The following WDR47 variants were observed in gnomAD, a reference collection of about 807,000 sequenced individuals.
WDR47 encodes the protein WD repeat domain 47, also known as WD repeat-containing protein 47.
Under a neutral mutation model 97.2 loss-of-function variants are expected in WDR47, and 32 were observed. That is an observed-to-expected ratio of 0.33 (90% CI 0.25 to 0.44). The LOEUF is 0.44. WDR47 is among the 20% of genes least tolerant of loss of function. The pLI, the probability that WDR47 is intolerant of heterozygous loss-of-function variation, is 1.00. For synonymous variants in WDR47, 375 were observed against 373.5 expected, an observed-to-expected ratio of 1.00 and a Z score of -0.05; for missense variants, 782 against 1,102.3, an observed-to-expected ratio of 0.71 and a Z score of 4.11.
intron 1 of WDR47, among the ~76,000 whole-genome samples, chr1:109,028,241 G>C (rs1662347881): frequency 6.6e-6 from 1 of 151,978 alleles, no homozygotes; most frequent in Non-Finnish European, 1.5e-5. Context: ...CAGGAGTGCA[G>C]TGGCTGAATC....
At chr1:109,004,554 G>C (rs372949076) in intron 6 of WDR47, 38 bp downstream of exon 6, 2 of 1,580,022 alleles carry the variant, frequency 1.3e-6, no homozygotes, top group Non-Finnish European at 1.7e-6. Flanking sequence ...CTTACAAAGA[G>C]AATAACTCTG....
chr1:109,010,841 C>T (rs1660989175), intron 5 of WDR47, 75 bp downstream of exon 5: 16 of 1,446,012 alleles, frequency 1.1e-5, no homozygotes, highest in Non-Finnish European at 1.3e-5. Context: ...CTCGGCCTCC[C>T]AAAGTGCTGG....
chr1:108,973,919 C>T (rs1387775398), intron 14 of WDR47, among the ~76,000 whole-genome samples: 1 of 149,628 alleles, frequency 6.7e-6, no homozygotes, highest in Non-Finnish European at 1.5e-5. Context: ...TAAGGTTGGG[C>T]ATGATGGCTC....
intron 7 of WDR47, among the ~76,000 whole-genome samples, chr1:109,002,018 C>A (rs1660241904): frequency 6.6e-6 from 1 of 152,206 alleles, no homozygotes; most frequent in Admixed American, 6.5e-5. Context: ...CCTCTGCACT[C>A]TTCTGCTCTA....
rs142535535 is a variant in WDR47, at chr1:109,010,470, G to A, written c.1130+446C>T. On this transcript the variant is annotated intron_variant, in intron 5 of 14. Coordinates refer to ENST00000369962, the MANE Select transcript of WDR47 (RefSeq NM_001142551.2). The stretch of plus-strand genomic sequence containing the variant: ...CTACTCAGGGGGCTGATTTTAACCT[G>A]GGAGATTGTGCCACTGCACTCCAGC... Among the ~76,000 whole-genome samples, 1,280 of 151,864 alleles carry A rather than the reference G, an allele frequency of 8.4e-3. 17 individuals carry two copies. The highest frequency in any genetic ancestry group is 0.03 in the African/African-American group (1,223 of 41,402).
intron 13 of WDR47, among the ~76,000 whole-genome samples, chr1:108,979,307 G>A (rs1398231614): frequency 2.6e-5 from 4 of 152,178 alleles, no homozygotes; most frequent in South Asian, 2.1e-4. Context: ...GAATGGCATC[G>A]TCCTGGTTAA....
chr1:109,011,466 A>C lies in WDR47; in HGVS notation c.580T>G (p.Leu194Val). 6.2e-7 allele frequency: 1 copy of C among 1,614,162 alleles called. No individual in the cohort carries two copies. Among genetic ancestry groups the C allele is most frequent in the Non-Finnish European group, 8.5e-7 (1 of 1,180,034 alleles). ...AGGCCTTTCATTACAAGCTGAAATA[A>C]ACGATTGTTACTAGCCTTAAAACCA... is the stretch of plus-strand genomic sequence containing the variant. Reference protein sequence around the residue: ...EAGFKASNNRLFQLVMKGLLY... With the variant: ...EAGFKASNNRVFQLVMKGLLY... Residue 194 changes from leucine (L) to valine (V), a missense_variant, in exon 5 of 15, where the codon TTA becomes GTA. By Grantham distance (32) the Leu-to-Val change is conservative (BLOSUM62 1). Transcript: ENST00000369962.
chr1:109,000,903 G>A (rs1335200468), intron 7 of WDR47, among the ~76,000 whole-genome samples: 1 of 152,132 alleles, frequency 6.6e-6, no homozygotes, highest in African/African-American at 2.4e-5. Flanking sequence ...CTTCCTATGT[G>A]CCAGAACTGT....
intron 7 of WDR47, among the ~76,000 whole-genome samples, chr1:109,000,438 G>A (rs969880123): frequency 5.3e-5 from 8 of 151,132 alleles, no homozygotes; most frequent in African/African-American, 1.9e-4. Context: ...GAACCTGGGA[G>A]GCGGAGGTTG....
intron 5 of WDR47, among the ~76,000 whole-genome samples, chr1:109,009,868 G>C (rs1035031429): frequency 6.5e-4 from 99 of 151,866 alleles, no homozygotes; most frequent in African/African-American, 2.2e-3. Context: ...CGTGGTGGCG[G>C]GTGTTTGCAA....
At position 109,004,735 on chromosome 1, in the gene WDR47, A is replaced by C. The variant is rs780674355; in HGVS notation, c.1131-20T>G. On this transcript the variant is annotated intron_variant, in intron 5 of 14. Coordinates refer to ENST00000369962, the MANE Select transcript of WDR47 (RefSeq NM_001142551.2). Reference sequence around the variant, plus strand: ...GTATCACTTCTTCCAGAAACGTGCAAAAAAACAAAAAGGCAGAGGGGGGAG... The same window carrying C: ...GTATCACTTCTTCCAGAAACGTGCACAAAAACAAAAAGGCAGAGGGGGGAG... 1.1e-4 allele frequency: 176 copies of C among 1,570,128 alleles called. No individual in the cohort carries two copies. The East Asian group carries it at 3.9e-3, about 35-fold the overall frequency.
intron 13 of WDR47, among the ~76,000 whole-genome samples, chr1:108,981,253 T>TGC (rs1185887844): frequency 6.6e-6 from 1 of 151,988 alleles, no homozygotes; most frequent in African/African-American, 2.4e-5. Context: ...TGTGTGTGTG[T>TGC]GCGTGTGTGT....
In WDR47 at chr1:109,011,263, T is replaced by G. The variant is rs754590491; in HGVS notation, c.783A>C (p.Glu261Asp). Residue 261 changes from glutamate (E) to aspartate (D), a missense_variant, in exon 5 of 15, where the codon GAA becomes GAC. Transcript: ENST00000369962. ...LPSSVFSCAFEQKMLNIHVDK... is the reference protein window; with the variant it reads ...LPSSVFSCAFDQKMLNIHVDK... ...CAACATGAATATTAAGCATTTTCTG[T>G]TCAAAAGCACAAGAGAAGACAGAAG... The G allele has an allele frequency of 6.2e-7, 1 of 1,614,028 alleles. No homozygotes were observed. The highest frequency in any genetic ancestry group is 1.3e-5 in the African/African-American group (1 of 74,932).
At chr1:109,041,108 G>A (rs1663322075) in intron 1 of WDR47, among the ~76,000 whole-genome samples, 1 of 151,072 alleles carries the variant, frequency 6.6e-6, no homozygotes, top group Non-Finnish European at 1.5e-5. Flanking sequence ...CCCAAATGCC[G>A]CCCCGGCCTA....
intron 6 of WDR47, among the ~76,000 whole-genome samples, chr1:109,002,793 A>G (rs1660314731): frequency 6.6e-6 from 1 of 152,240 alleles, no homozygotes; most frequent in Non-Finnish European, 1.5e-5. Flanking sequence ...ATAATGAGAT[A>G]CCAACTTACC....
At chr1:109,011,765 C>A in intron 4 of WDR47, 47 bp from the exon 5 acceptor site, 5 of 1,478,610 alleles carry the variant, frequency 3.4e-6, no homozygotes, top group South Asian at 1.4e-5. Flanking sequence ...AAAAAACATG[C>A]TATGAAATAT....
Position 109,007,874 on chromosome 1 carries a change from T to A in WDR47, c.1130+3042A>T, listed in dbSNP as rs531101825. Among the ~76,000 whole-genome samples, 9 of 151,662 alleles carry A rather than the reference T, an allele frequency of 5.9e-5. No homozygotes were observed. In the East Asian group the frequency reaches 1.8e-3, roughly 30 times the overall value. ...ATCCCAGCACTTTGGGAGGCCGAGGTGGGCAGATCATGAGGTCAGGAGTTC... is the reference window on the plus strand; with the variant it reads ...ATCCCAGCACTTTGGGAGGCCGAGGAGGGCAGATCATGAGGTCAGGAGTTC... On this transcript the variant is annotated intron_variant, in intron 5 of 14. Coordinates refer to ENST00000369962, the MANE Select transcript of WDR47 (RefSeq NM_001142551.2).
At chr1:108,984,710 GC>G (rs1658635391) in intron 10 of WDR47, among the ~76,000 whole-genome samples, 1 of 151,852 alleles carries the variant, frequency 6.6e-6, no homozygotes, top group Non-Finnish European at 1.5e-5. Context: ...AAACCCCGTC[GC>G]TACTAAAAAT....
chr1:109,008,978 G>A (rs1034799302), intron 5 of WDR47, among the ~76,000 whole-genome samples: 2 of 152,000 alleles, frequency 1.3e-5, no homozygotes, highest in Non-Finnish European at 2.9e-5. Flanking sequence ...CCAGCTACTC[G>A]GGAGGCTGAG....
Sources: allele counts gnomAD v4.1 joint callset (sites outside exome capture counted in the v4.1 genomes callset), GRCh38; gene constraint gnomAD v4.1.1; transcripts MANE v1.5; gene names NCBI Gene and HGNC (gene_info 2026-07-23, HGNC 2026-07-21).